EML5: variants seen among roughly 807,000 people sequenced by gnomAD.
The protein encoded by EML5 is echinoderm microtubule-associated protein-like 5.
Under a neutral mutation model 250.0 loss-of-function variants are expected in EML5, and 120 were observed. The ratio of observed to expected loss-of-function variants is 0.48; its 90% CI spans 0.41 to 0.56. The LOEUF (loss-of-function observed/expected upper bound fraction) is 0.56. Ranked by LOEUF, EML5 falls within the 20% of genes least tolerant of loss-of-function variation. EML5 has a pLI of 0.00. For synonymous variants in EML5, 771 were observed against 806.5 expected (o/e 0.96, Z 0.75); for missense variants, 2,006 against 2,437.6 (o/e 0.82, Z 3.73).
intron 1 of EML5, among the ~76,000 whole-genome samples, chr14:88,757,836 CTCTT>C (rs1241372410): frequency 1.3e-5 from 2 of 150,740 alleles, no homozygotes; most frequent in Admixed American, 6.6e-5. Context: ...TCCTTTCTCT[CTCTT>C]TCTCTCCTTT....
chr14:88,742,456 C>T (rs1364052204), intron 4 of EML5, among the ~76,000 whole-genome samples: 1 of 152,062 alleles, frequency 6.6e-6, no homozygotes, highest in Admixed American at 6.5e-5. Flanking sequence ...GCAAAGAGAA[C>T]TATGTTACTA....
chr14:88,751,617 G>C (rs1407300847), intron 2 of EML5, among the ~76,000 whole-genome samples: 3 of 104,466 alleles, frequency 2.9e-5, no homozygotes, highest in Non-Finnish European at 5.9e-5. Context: ...GATATTTAGA[G>C]TTGAGAAGCC....
chr14:88,625,227 A>G, intron 35 of EML5, 100 bp from the exon 36 acceptor site: 2 of 1,372,114 alleles, frequency 1.5e-6, no homozygotes, highest in Non-Finnish European at 2.0e-6. Flanking sequence ...CTCACCCTTG[A>G]TACAAAGAGC....
intron 1 of EML5, among the ~76,000 whole-genome samples, chr14:88,769,843 C>A (rs1279321368): frequency 6.6e-6 from 1 of 152,126 alleles, no homozygotes; most frequent in South Asian, 2.1e-4. Context: ...CTTCTTACTC[C>A]AAGAGTGAGA....
At position 88,711,942 on chromosome 14, in the gene EML5, C is replaced by T. The variant is rs188966310; in HGVS notation, c.1657+329G>A. Among the ~76,000 whole-genome samples the T allele has an allele frequency of 3.0e-3, 287 of 97,192 alleles. 6 individuals carry two copies. The East Asian group carries it at 0.073, about 25-fold the overall frequency. The allele number at this position is 97,192 out of a possible 152,430, so 63.8% of individuals were successfully genotyped here. ...TGGGCAACAGAGTGAGACCCTGTCT[C>T]AAAAAAAAAAAAAAAATACAACCAT... On this transcript the variant is annotated intron_variant, in intron 10 of 43. Coordinates refer to ENST00000554922, the MANE Select transcript of EML5 (RefSeq NM_183387.3).
intron 8 of EML5, among the ~76,000 whole-genome samples, chr14:88,720,330 C>T (rs1344696041): frequency 1.3e-5 from 2 of 151,834 alleles, no homozygotes; most frequent in Non-Finnish European, 2.9e-5. Context: ...AGAGAACCAA[C>T]AAAAAACTTC....
intron 1 of EML5, among the ~76,000 whole-genome samples, chr14:88,765,355 T>C (rs1185849507): frequency 6.6e-6 from 1 of 152,166 alleles, no homozygotes; most frequent in Non-Finnish European, 1.5e-5. Context: ...GTAAAGGGAC[T>C]GAGGCTTTCA....
chr14:88,657,159 T>A (rs970110457), intron 27 of EML5, among the ~76,000 whole-genome samples: 8 of 152,126 alleles, frequency 5.3e-5, no homozygotes, highest in Admixed American at 3.3e-4. Flanking sequence ...AAACCTGGAT[T>A]ATTTTTATAT....
rs375445382 is a variant in EML5, at chr14:88,619,610, G to A, written c.5376-798C>T. 2.1e-4 allele frequency: 32 copies of A among 152,334 alleles called. 1 individual carries two copies. The highest frequency in any genetic ancestry group is 7.5e-4 in the African/African-American group (31 of 41,586). 9.4% of individuals were successfully genotyped at this position (152,334 alleles called of 1,614,324 possible). On this transcript the variant is annotated intron_variant, in intron 39 of 43. Coordinates refer to ENST00000554922, the MANE Select transcript of EML5 (RefSeq NM_183387.3). ...GGAAAAAACGTTGTCTTAATATTAAGCAAAGAACACAGCCCAGCTTAACTA... is the reference window on the plus strand; with the variant it reads ...GGAAAAAACGTTGTCTTAATATTAAACAAAGAACACAGCCCAGCTTAACTA...
intron 27 of EML5, among the ~76,000 whole-genome samples, chr14:88,652,189 T>C (rs2091659905): frequency 6.6e-6 from 1 of 152,146 alleles, no homozygotes; most frequent in Admixed American, 6.6e-5. Flanking sequence ...CTTTGCCTCT[T>C]TATACATAAT....
Position 88,773,776 on chromosome 14 carries a change from G to C in EML5, c.197+18531C>G, listed in dbSNP as rs371683177. On this transcript the variant is annotated intron_variant, in intron 1 of 43. Coordinates refer to ENST00000554922, the MANE Select transcript of EML5 (RefSeq NM_183387.3). ...GGTTGAGAATCAGGAATCTGGAGCA[G>C]TGTTCTCAAACTTTAGATTATATTA... 9.1e-4 allele frequency among the ~76,000 whole-genome samples: 138 copies of C among 151,970 alleles called. 2 individuals carry two copies. In the South Asian group the frequency reaches 0.027, roughly 30 times the overall value.
chr14:88,614,537 A>G lies in EML5; in HGVS notation c.*1281T>C, dbSNP rs907232433. On this transcript the variant is annotated 3_prime_UTR_variant, in exon 44 of 44. Coordinates refer to ENST00000554922, the MANE Select transcript of EML5 (RefSeq NM_183387.3). ...GGATTCCAGGAACCTAAAGCGATCT[A>G]TTATGCTATAAAGATAATTAACACA... 1 of 152,216 alleles carries G rather than the reference A, an allele frequency of 6.6e-6. No homozygotes were observed. The highest frequency in any genetic ancestry group is 2.4e-5 in the African/African-American group (1 of 41,470). The allele number at this position is 152,216 out of a possible 1,614,324, so 9.4% of individuals were successfully genotyped here. A position where few individuals can be genotyped will look rare whatever the true frequency, so the allele number is the denominator to read the frequency against.
At chr14:88,658,820 G>A (rs1370616526) in intron 25 of EML5, among the ~76,000 whole-genome samples, 2 of 152,052 alleles carry the variant, frequency 1.3e-5, no homozygotes. Flanking sequence ...CAATGTATAT[G>A]GAATAGTGTA....
intron 1 of EML5, among the ~76,000 whole-genome samples, chr14:88,788,183 C>CA (rs151078449): frequency 0.018 from 2,703 of 151,832 alleles, 80 homozygotes; most frequent in African/African-American, 0.06. Context: ...CATATAAACA[C>CA]AAAAAAAATC....
At chr14:88,680,315 G>GA (rs563374413) in intron 21 of EML5, among the ~76,000 whole-genome samples, 21 of 151,770 alleles carry the variant, frequency 1.4e-4, no homozygotes, top group South Asian at 2.1e-4. Context: ...TATCTCAGGA[G>GA]AAAAAAACAG....
At chr14:88,669,226 ATAGAGC>A (rs574025718) in intron 21 of EML5, among the ~76,000 whole-genome samples, 30 of 152,302 alleles carry the variant, frequency 2.0e-4, no homozygotes, top group Admixed American at 9.2e-4. Context: ...AGTCCCAAGC[ATAGAGC>A]TGCACAGATT....
intron 28 of EML5, among the ~76,000 whole-genome samples, chr14:88,648,100 C>CAT (rs1219522561): frequency 6.6e-6 from 1 of 151,946 alleles, no homozygotes; most frequent in African/African-American, 2.4e-5. Flanking sequence ...TTTTTTCTCT[C>CAT]TTAATAGCAT....
At chr14:88,654,928 C>T (rs2091809552) in intron 27 of EML5, among the ~76,000 whole-genome samples, 1 of 152,056 alleles carries the variant, frequency 6.6e-6, no homozygotes, top group Non-Finnish European at 1.5e-5. Context: ...TTGTAGGTCT[C>T]TAAGAACTTG....
chr14:88,708,718 G>A (rs951666640), intron 10 of EML5, among the ~76,000 whole-genome samples: 4 of 152,020 alleles, frequency 2.6e-5, no homozygotes, highest in African/African-American at 9.7e-5. Context: ...TTAATAGCAC[G>A]GAAGTCTGAG....
Sources: allele counts gnomAD v4.1 joint callset (sites outside exome capture counted in the v4.1 genomes callset), GRCh38; gene constraint gnomAD v4.1.1; transcripts MANE v1.5; gene names NCBI Gene and HGNC (gene_info 2026-07-23, HGNC 2026-07-21).